Variants in VIT observed in about 807,000 individuals in gnomAD.
The protein encoded by VIT is vitrin.
Under a neutral mutation model 78.0 loss-of-function variants are expected in VIT, and 99 were observed. The ratio of observed to expected loss-of-function variants is 1.27; its 90% CI spans 1.08 to 1.50. VIT has a LOEUF of 1.50. Ranked by LOEUF, VIT falls within the 40% of genes most tolerant of loss-of-function variation. The pLI, the probability that VIT is intolerant of heterozygous loss-of-function variation, is 0.00. For missense variants in VIT, 1,126 were observed against 875.3 expected, an observed-to-expected ratio of 1.29 and a Z score of -3.61; for synonymous variants, 374 against 334.3, an observed-to-expected ratio of 1.12 and a Z score of -1.29.
intron 15 of VIT, among the ~76,000 whole-genome samples, chr2:36,812,769 A>C (rs956682225): frequency 4.0e-5 from 6 of 151,504 alleles, no homozygotes; most frequent in African/African-American, 1.5e-4. Flanking sequence ...TTCAGTCTCA[A>C]CTCACAGTAG....
At chr2:36,804,558 A>G (rs4670618) in intron 13 of VIT, among the ~76,000 whole-genome samples, 108,772 of 152,190 alleles carry the variant, frequency 0.71, 39,448 homozygotes, top group East Asian at 0.99. Flanking sequence ...TTGGCCAGGC[A>G]CGGTGGTTCA....
At chr2:36,774,473 C>A (rs1285575397) in intron 8 of VIT, 1 of 982,612 alleles carries the variant, frequency 1.0e-6, no homozygotes, top group Admixed American at 6.2e-5. Flanking sequence ...AGCTGATAGA[C>A]TTGGTGGAAG....
At chr2:36,703,423 TG>T (rs1399369267) in intron 1 of VIT, among the ~76,000 whole-genome samples, 1 of 151,830 alleles carries the variant, frequency 6.6e-6, no homozygotes, top group South Asian at 2.1e-4. Flanking sequence ...TGGAAGTGGT[TG>T]GCACCTATTG....
At chr2:36,757,405 C>T (rs1668832868) in intron 5 of VIT, among the ~76,000 whole-genome samples, 1 of 152,158 alleles carries the variant, frequency 6.6e-6, no homozygotes, top group South Asian at 2.1e-4. Context: ...CCCTTTTATC[C>T]TTTGATCCAC....
rs773001388 is a variant in VIT at position 36,783,385 on chromosome 2, T to A, written c.893T>A (p.Val298Glu). Residue 298 changes from valine (V) to glutamate (E), a missense_variant, in exon 11 of 16, where the codon GTA becomes GAA. Coordinates refer to ENST00000379242, the MANE Select transcript of VIT (RefSeq NM_053276.4). ...TTGAGCACACAGTCTTTGGAGCCAG[T>A]ATCCCTGGGAGATCCAAGTAAGTTA... The part of the protein sequence containing the change: ...EELSTQSLEP[V>E]SLGDPNCKID... 8 of 1,614,196 alleles carry A rather than the reference T, an allele frequency of 5.0e-6. No homozygotes were observed. The highest frequency in any genetic ancestry group is 6.8e-6 in the Non-Finnish European group (8 of 1,180,020).
rs771333295 is a variant in VIT, at chr2:36,814,226, G to A, written c.1947G>A (p.Glu649=). ...TAGGCGTTGCCTGGGCTGCCCAAGA[G>A]GAGCTAGAAGTCATTGCCACTCACC... is the stretch of plus-strand genomic sequence containing the variant. ...YAIGVAWAAQ[E]ELEVIATHPA... is the part of the protein sequence containing the mutation. Residue 649 remains glutamate, a synonymous_variant, in exon 16 of 16, where the codon GAG becomes GAA. Transcript: ENST00000379242. 3 of 1,614,236 alleles carry A rather than the reference G, an allele frequency of 1.9e-6. No homozygotes were observed. Among genetic ancestry groups the A allele is most frequent in the Admixed American group, 1.7e-5 (1 of 60,030 alleles).
At chr2:36,766,975 C>T (rs559588277) in intron 6 of VIT, 119 bp from the exon 7 acceptor site, 8 of 1,174,704 alleles carry the variant, frequency 6.8e-6, no homozygotes, top group African/African-American at 6.4e-5. Context: ...CACCCTTCAC[C>T]GTGGCTAGCA....
chr2:36,706,197 G>A (rs1665408473), intron 1 of VIT, among the ~76,000 whole-genome samples: 2 of 152,180 alleles, frequency 1.3e-5, no homozygotes, highest in African/African-American at 4.8e-5. Context: ...TGGCTTCAGG[G>A]TTGGCGTAGC....
At chr2:36,754,775 G>C (rs2072524) in intron 4 of VIT, 146 bp from the exon 5 acceptor site, 324,962 of 762,852 alleles carry the variant, frequency 0.43, 70,599 homozygotes, top group Admixed American at 0.53. Flanking sequence ...CCATTCTTGT[G>C]GGTTGGGCTT....
At chr2:36,730,488 A>G (rs1667133045) in intron 3 of VIT, among the ~76,000 whole-genome samples, 1 of 152,036 alleles carries the variant, frequency 6.6e-6, no homozygotes, top group African/African-American at 2.4e-5. Flanking sequence ...AGCTCCATCC[A>G]TCATGTCCAC....
intron 2 of VIT, 61 bp downstream of exon 2, chr2:36,716,483 T>C (rs940419066): frequency 5.9e-6 from 9 of 1,530,600 alleles, no homozygotes; most frequent in Non-Finnish European, 7.2e-6. Context: ...ATCCAAAGAA[T>C]CTAGCCAAGA....
intron 2 of VIT, among the ~76,000 whole-genome samples, chr2:36,723,640 C>A (rs775849409): frequency 6.6e-6 from 1 of 152,056 alleles, no homozygotes; most frequent in African/African-American, 2.4e-5. Context: ...TTTTAACTGT[C>A]CTGATTGTCA....
chr2:36,759,763 A>G, intron 6 of VIT: 1 of 733,068 alleles, frequency 1.4e-6, no homozygotes, highest in Non-Finnish European at 1.7e-6. Context: ...CATGTACTTA[A>G]GGTGAACACG....
intron 3 of VIT, among the ~76,000 whole-genome samples, chr2:36,740,164 C>T (rs573823303): frequency 1.3e-5 from 2 of 152,182 alleles, no homozygotes; most frequent in Admixed American, 6.5e-5. Context: ...AAGGGAGATA[C>T]GAATAAACCT....
intron 4 of VIT, among the ~76,000 whole-genome samples, chr2:36,754,702 A>G (rs1192287130): frequency 6.6e-6 from 1 of 152,216 alleles, no homozygotes. Flanking sequence ...ATCAGCTCCT[A>G]TAAGAAGAAA....
intron 12 of VIT, among the ~76,000 whole-genome samples, chr2:36,790,980 G>A (rs10209211): frequency 0.69 from 104,161 of 151,928 alleles, 36,172 homozygotes; most frequent in East Asian, 0.81. Flanking sequence ...GCTGCATCCC[G>A]GACCCACAGG....
chr2:36,720,454 T>C (rs899125131), intron 2 of VIT, among the ~76,000 whole-genome samples: 2 of 152,168 alleles, frequency 1.3e-5, no homozygotes, highest in Admixed American at 6.5e-5. Context: ...AAGAATGTAA[T>C]TGGGCCCTTA....
In VIT at chr2:36,723,279, AT is replaced by A. The variant is rs572879269; in HGVS notation, c.53-6140del. On this transcript the variant is annotated intron_variant, in intron 2 of 15. Transcript: ENST00000379242. ...CATTAGAAATAATGCTCTAATGAGC[AT>A]TTTTTTACATAAATCTTTGTCTATA... Among the ~76,000 whole-genome samples the A allele has an allele frequency of 5.0e-4, 76 of 152,164 alleles. 1 individual carries two copies. In the South Asian group the frequency reaches 5.6e-3, roughly 11 times the overall value.
At chr2:36,731,987 C>A (rs572626648) in intron 3 of VIT, among the ~76,000 whole-genome samples, 16 of 152,320 alleles carry the variant, frequency 1.1e-4, no homozygotes, top group African/African-American at 3.1e-4. Flanking sequence ...AAAAGGGCAA[C>A]CATCCACAGC....
Sources: gnomAD v4.1 joint callset for allele counts (sites outside exome capture counted in the v4.1 genomes callset) on GRCh38, gnomAD v4.1.1 for gene constraint, MANE v1.5 for transcripts, NCBI Gene and HGNC (gene_info 2026-07-23, HGNC 2026-07-21) for gene names.